TBC1D8: variants seen among roughly 807,000 people sequenced by gnomAD.
The protein encoded by TBC1D8 is TBC1 domain family member 8.
A neutral mutation model predicts 118.8 loss-of-function variants in TBC1D8; 65 were observed. That is an observed-to-expected ratio of 0.55 (90% CI 0.45 to 0.67). The LOEUF is 0.67. Among genes scored for constraint, TBC1D8 ranks in the 30% least tolerant of loss-of-function variants. The pLI is 0.00. For synonymous variants in TBC1D8, 566 were observed against 595.8 expected, an observed-to-expected ratio of 0.95 and a Z score of 0.73; for missense variants, 1,376 against 1,471.2, an observed-to-expected ratio of 0.94 and a Z score of 1.06.
At chr2:101,149,837 C>T (rs1392989995) in intron 1 of TBC1D8, among the ~76,000 whole-genome samples, 1 of 152,208 alleles carries the variant, frequency 6.6e-6, no homozygotes, top group Non-Finnish European at 1.5e-5. Context: ...CAAAACAGCT[C>T]CTGGAGCAGG....
chr2:101,049,075 A>G (rs1042816499), intron 5 of TBC1D8, among the ~76,000 whole-genome samples: 1 of 152,198 alleles, frequency 6.6e-6, no homozygotes, highest in Non-Finnish European at 1.5e-5. Context: ...ACGGGCATAC[A>G]AATAGCTCCG....
rs1386451832 is a variant in TBC1D8, at chr2:101,151,346, G to C, written c.-93C>G. 2.8e-6 allele frequency: 3 copies of C among 1,068,188 alleles called. No homozygotes were observed. In the Admixed American group the frequency reaches 1.6e-4, roughly 59 times the overall value. 66.2% of individuals were successfully genotyped at this position (1,068,188 alleles called of 1,614,324 possible). ...AGCCCGCTCGAGAGGCGACGGCGGC[G>C]CGCGGGGACCACAGCCCGGCCGGTG... On this transcript the variant is annotated 5_prime_UTR_variant, in exon 1 of 20. Coordinates refer to ENST00000409318, the MANE Select transcript of TBC1D8 (RefSeq NM_001330348.2).
At chr2:101,054,375 G>C in intron 3 of TBC1D8, 39 bp from the exon 4 acceptor site, 2 of 1,545,048 alleles carry the variant, frequency 1.3e-6, no homozygotes, top group Non-Finnish European at 1.8e-6. Context: ...CAGTGAGCCA[G>C]CAATGGGAAG....
chr2:101,033,103 C>G (rs1033518830), intron 10 of TBC1D8, among the ~76,000 whole-genome samples: 15 of 150,652 alleles, frequency 1.0e-4, no homozygotes, highest in East Asian at 1.9e-4. Context: ...GCACGTTTCT[C>G]TTTTCAGGCA....
At chr2:101,064,156 C>G (rs949319608) in intron 2 of TBC1D8, among the ~76,000 whole-genome samples, 5 of 152,148 alleles carry the variant, frequency 3.3e-5, no homozygotes, top group African/African-American at 1.2e-4. Context: ...GGAGATAGCA[C>G]TTTTAAGGAG....
intron 3 of TBC1D8, among the ~76,000 whole-genome samples, chr2:101,058,377 C>T (rs1682561561): frequency 6.6e-6 from 1 of 152,196 alleles, no homozygotes; most frequent in Non-Finnish European, 1.5e-5. Flanking sequence ...ATTAGAAAGC[C>T]AAGCTTTTTG....
chr2:101,007,983 AT>A lies in TBC1D8; in HGVS notation c.3305del (p.His1102LeufsTer3), dbSNP rs748807123. On this transcript the variant is annotated frameshift_variant, in exon 20 of 20. Transcript: ENST00000409318. LOFTEE classifies it high-confidence loss of function. ...GTTCAGTCAGAAGTGAAGCTAAAAT[AT>A]GTTCAAGGGAGACAGTCCAGTCCCT... ...AERDWTVSLE[H>X]ILASLLTEQS... is the part of the protein sequence containing the mutation. The A allele has an allele frequency of 2.5e-6, 4 of 1,613,926 alleles. No individual in the cohort carries two copies.
intron 1 of TBC1D8, among the ~76,000 whole-genome samples, chr2:101,124,235 A>G (rs1307255505): frequency 6.6e-6 from 1 of 152,206 alleles, no homozygotes; most frequent in African/African-American, 2.4e-5. Flanking sequence ...ACAATCTCCA[A>G]CAGAAAAAGA....
chr2:101,054,168 C>A lies in TBC1D8; in HGVS notation c.571G>T (p.Gly191Cys). The A allele has an allele frequency of 6.2e-7, 1 of 1,613,670 alleles. No individual in the cohort carries two copies. The highest frequency in any genetic ancestry group is 8.5e-7 in the Non-Finnish European group (1 of 1,179,794). The change falls in exon 4 of 20, where the codon GGC (glycine) becomes TGC (cysteine). Residue 191 changes from glycine (G) to cysteine (C), a missense_variant. Gly to Cys is a radical substitution (Grantham distance 159). Coordinates refer to ENST00000409318, the MANE Select transcript of TBC1D8 (RefSeq NM_001330348.2). Reference sequence around the variant, plus strand: ...TGGTTGATGCTGAGGTACAGCCAGCCCTGGCGGGGCACCCTGCCCTTCCAA... The same window carrying A: ...TGGTTGATGCTGAGGTACAGCCAGCACTGGCGGGGCACCCTGCCCTTCCAA... ...CCWKGRVPRQ[G>C]WLYLSINHLC...
Position 101,036,179 on chromosome 2 carries a change from G to T in TBC1D8, c.1453-11C>A. Reference sequence around the variant, plus strand: ...TATCTGTTCTCTGGACTGGAAATGGGAATATTCTTAATGTACAAAGAAGTC... The same window carrying T: ...TATCTGTTCTCTGGACTGGAAATGGTAATATTCTTAATGTACAAAGAAGTC... On this transcript the variant is annotated splice_polypyrimidine_tract_variant and intron_variant, in intron 8 of 19. Transcript: ENST00000409318. 1 of 1,611,832 alleles carries T rather than the reference G, an allele frequency of 6.2e-7. No individual in the cohort carries two copies. Among genetic ancestry groups the T allele is most frequent in the East Asian group, 2.2e-5 (1 of 44,792 alleles).
At position 101,050,470 on chromosome 2, in the gene TBC1D8, C is replaced by T. The variant is rs375999657; in HGVS notation, c.803G>A (p.Arg268Gln). The T allele has an allele frequency of 8.7e-6, 14 of 1,613,770 alleles. No individual in the cohort carries two copies. In the African/African-American group the frequency reaches 9.3e-5, roughly 11 times the overall value. The change falls in exon 5 of 20, where the codon CGA becomes CAA. Residue 268 changes from arginine (R) to glutamine (Q), a missense_variant. By Grantham distance (43) the Arg-to-Gln change is conservative. Transcript: ENST00000409318. Reference protein sequence around the residue: ...VMEQLADVTLRRLLDNEVFDL... With the variant: ...VMEQLADVTLQRLLDNEVFDL... ...AAAGACCTCATTATCCAGCAGCCTT[C>T]GCAGCGTCACGTCGGCCAGCTGCTC...
intron 2 of TBC1D8, among the ~76,000 whole-genome samples, chr2:101,074,864 T>C (rs1474604206): frequency 6.6e-6 from 1 of 152,176 alleles, no homozygotes; most frequent in Non-Finnish European, 1.5e-5. Flanking sequence ...TCACACTTAC[T>C]TGAAAAGCCT....
intron 2 of TBC1D8, among the ~76,000 whole-genome samples, chr2:101,085,361 T>A (rs1009432850): frequency 1.3e-5 from 2 of 151,916 alleles, no homozygotes; most frequent in Non-Finnish European, 2.9e-5. Flanking sequence ...CTCCCCACCC[T>A]GACAACTCCC....
chr2:101,137,786 C>G (rs1307067512), intron 1 of TBC1D8, among the ~76,000 whole-genome samples: 1 of 152,158 alleles, frequency 6.6e-6, no homozygotes, highest in Non-Finnish European at 1.5e-5. Flanking sequence ...AATGCCAAAC[C>G]AGTAACATTA....
At chr2:101,027,854 A>G (rs2289952) in intron 14 of TBC1D8, among the ~76,000 whole-genome samples, 194 bp downstream of exon 14, 2 of 152,234 alleles carry the variant, frequency 1.3e-5, no homozygotes, top group African/African-American at 2.4e-5. Context: ...ACAGGCTCAC[A>G]GTGTTGAGTA....
rs372054335 is a variant in TBC1D8 at position 101,092,028 on chromosome 2, T to C, written c.128-1664A>G. 3.3e-5 allele frequency among the ~76,000 whole-genome samples: 5 copies of C among 152,350 alleles called. No homozygotes were observed. In the South Asian group the frequency reaches 1.0e-3, roughly 32 times the overall value. ...ATCAAATTCAGAACATTAATATTGA[T>C]ATGGCCCTGCCATCTAATCATAAGA... is the stretch of plus-strand genomic sequence containing the variant. On this transcript the variant is annotated intron_variant, in intron 1 of 19. Coordinates refer to ENST00000409318, the MANE Select transcript of TBC1D8 (RefSeq NM_001330348.2).
chr2:101,108,637 T>C (rs1390366883), intron 1 of TBC1D8, among the ~76,000 whole-genome samples: 2 of 152,120 alleles, frequency 1.3e-5, no homozygotes, highest in African/African-American at 4.8e-5. Context: ...GGCCAAGTTC[T>C]TCCCACACTA....
At chr2:101,060,427 A>T in intron 2 of TBC1D8, among the ~76,000 whole-genome samples, 1 of 152,266 alleles carries the variant, frequency 6.6e-6, no homozygotes, top group East Asian at 1.9e-4. Flanking sequence ...CATTTATAGC[A>T]ATGACCGTTA....
At chr2:101,054,054 G>C (rs932928575) in intron 4 of TBC1D8, 54 bp downstream of exon 4, 1 of 1,516,470 alleles carries the variant, frequency 6.6e-7, no homozygotes, top group African/African-American at 1.4e-5. Flanking sequence ...TGGGAGCAGC[G>C]CTGAGTCCCT....
Sources: gnomAD v4.1 joint callset for allele counts (sites outside exome capture counted in the v4.1 genomes callset) on GRCh38, gnomAD v4.1.1 for gene constraint, MANE v1.5 for transcripts, NCBI Gene and HGNC (gene_info 2026-07-23, HGNC 2026-07-21) for gene names.